The following ATG10 variants were observed in gnomAD, a reference collection of about 807,000 sequenced individuals.
The protein encoded by ATG10 is autophagy related 10.
In ATG10, 30 loss-of-function variants were observed where a neutral mutation model predicts 32.1. That is an observed-to-expected ratio of 0.94 (90% CI 0.70 to 1.27). The LOEUF is 1.27. Among genes scored for constraint, ATG10 ranks in the 50% most tolerant of loss-of-function variants. ATG10 has a pLI of 0.00. For synonymous variants in ATG10, 87 were observed against 91.5 expected (o/e 0.95, Z 0.28); for missense variants, 233 against 262.3 (o/e 0.89, Z 0.77).
chr5:82,059,996 T>A (rs1050549087), intron 3 of ATG10, among the ~76,000 whole-genome samples: 1 of 152,090 alleles, frequency 6.6e-6, no homozygotes, highest in Non-Finnish European at 1.5e-5. Flanking sequence ...AAAAATGAAT[T>A]ACTAGTTTTT....
At chr5:82,202,863 T>C (rs1167617395) in intron 5 of ATG10, among the ~76,000 whole-genome samples, 1 of 152,208 alleles carries the variant, frequency 6.6e-6, no homozygotes, top group Non-Finnish European at 1.5e-5. Flanking sequence ...TAAGCTGCCA[T>C]TGCAGTGCAG....
At chr5:82,251,244 G>A (rs1436097905) in intron 5 of ATG10, among the ~76,000 whole-genome samples, 2 of 152,162 alleles carry the variant, frequency 1.3e-5, no homozygotes, top group Admixed American at 1.3e-4. Flanking sequence ...AATGTTTGGA[G>A]CTGAGGGGTA....
In ATG10 at chr5:82,036,992, G is replaced by A. The variant is rs535371230; in HGVS notation, c.109-21503G>A. ...CTAAAAATACAAAAATTAGCTGGGC[G>A]TGGTGGTGTGTGCCTGTAATTCCAG... is the stretch of plus-strand genomic sequence containing the variant. On this transcript the variant is annotated intron_variant, in intron 2 of 7. Transcript: ENST00000282185. Among the ~76,000 whole-genome samples, 178 of 150,308 alleles carry A rather than the reference G, an allele frequency of 1.2e-3. 2 individuals carry two copies. The highest frequency in any genetic ancestry group is 2.3e-3 in the Admixed American group (35 of 15,128).
intron 5 of ATG10, among the ~76,000 whole-genome samples, chr5:82,222,688 A>G (rs965172775): frequency 2.6e-5 from 4 of 152,226 alleles, no homozygotes; most frequent in Admixed American, 6.5e-5. Flanking sequence ...TTATAGTTTT[A>G]TGGAAATTTG....
intron 5 of ATG10, among the ~76,000 whole-genome samples, chr5:82,193,174 T>C (rs974712969): frequency 3.3e-5 from 5 of 152,208 alleles, no homozygotes; most frequent in Non-Finnish European, 7.3e-5. Context: ...AAGTTGTTAT[T>C]GGGCCTGTAC....
chr5:82,088,130 C>T lies in ATG10; in HGVS notation c.216+29528C>T, dbSNP rs546293238. Among the ~76,000 whole-genome samples the T allele has an allele frequency of 2.7e-4, 41 of 152,164 alleles. 1 individual carries two copies. In the South Asian group the frequency reaches 5.4e-3, roughly 20 times the overall value. The stretch of plus-strand genomic sequence containing the variant: ...CCCAGAGCTAACATGGTTCCTTCTT[C>T]GGGCATACTTTTTTAGTTTTTCTTT... On this transcript the variant is annotated intron_variant, in intron 3 of 7. Coordinates refer to ENST00000282185, the MANE Select transcript of ATG10 (RefSeq NM_031482.5).
chr5:82,063,762 G>T (rs1453657583), intron 3 of ATG10, among the ~76,000 whole-genome samples: 3 of 152,128 alleles, frequency 2.0e-5, no homozygotes, highest in African/African-American at 4.8e-5. Flanking sequence ...AAAGTGCTGG[G>T]ATTACAGGCG....
At chr5:82,250,795 C>T (rs567281266) in intron 5 of ATG10, among the ~76,000 whole-genome samples, 1 of 152,304 alleles carries the variant, frequency 6.6e-6, no homozygotes, top group East Asian at 1.9e-4. Context: ...ATAACTATAG[C>T]TAGAAGTATT....
At chr5:82,049,803 G>T (rs537332759) in intron 2 of ATG10, among the ~76,000 whole-genome samples, 6 of 152,198 alleles carry the variant, frequency 3.9e-5, no homozygotes, top group Admixed American at 3.3e-4. Flanking sequence ...ACACTTCATG[G>T]TTCTTAGAAT....
At chr5:81,984,212 G>C (rs930806190) in intron 1 of ATG10, among the ~76,000 whole-genome samples, 1 of 152,276 alleles carries the variant, frequency 6.6e-6, no homozygotes, top group South Asian at 2.1e-4. Flanking sequence ...ATCACTCGCG[G>C]TTAGGAGCTG....
chr5:82,015,184 G>C (rs1315115594), intron 2 of ATG10, among the ~76,000 whole-genome samples: 1 of 152,142 alleles, frequency 6.6e-6, no homozygotes, highest in Admixed American at 6.5e-5. Flanking sequence ...TAGAGTTTCT[G>C]CTGAGAGATC....
intron 3 of ATG10, among the ~76,000 whole-genome samples, chr5:82,065,781 C>G (rs575012904): frequency 6.6e-6 from 1 of 152,120 alleles, no homozygotes; most frequent in East Asian, 1.9e-4. Flanking sequence ...CGATAATTTA[C>G]AAATAGAAGT....
At chr5:82,027,979 CTTTT>C (rs1318051634) in intron 2 of ATG10, among the ~76,000 whole-genome samples, 1 of 152,194 alleles carries the variant, frequency 6.6e-6, no homozygotes, top group Non-Finnish European at 1.5e-5. Context: ...AACCAAAGCT[CTTTT>C]TGAGATTGGT....
chr5:82,073,829 A>G (rs1764197533), intron 3 of ATG10: 1 of 152,230 alleles, frequency 6.6e-6, no homozygotes, highest in Admixed American at 6.5e-5. Context: ...ATCAAATAAG[A>G]TGGTGGGAGC....
intron 2 of ATG10, among the ~76,000 whole-genome samples, chr5:82,002,814 A>C (rs1285027957): frequency 6.6e-6 from 1 of 152,226 alleles, no homozygotes; most frequent in Non-Finnish European, 1.5e-5. Context: ...TTTTTAAAAA[A>C]GTAAAACTAC....
chr5:82,094,361 T>G (rs192708146), intron 3 of ATG10, among the ~76,000 whole-genome samples: 4 of 152,298 alleles, frequency 2.6e-5, no homozygotes, highest in Admixed American at 2.6e-4. Flanking sequence ...TTCAGAAGCC[T>G]AATTACTTCA....
At chr5:82,130,191 TC>T (rs1272579111) in intron 3 of ATG10, among the ~76,000 whole-genome samples, 1 of 152,118 alleles carries the variant, frequency 6.6e-6, no homozygotes, top group African/African-American at 2.4e-5. Context: ...GATGCCCCTG[TC>T]CCCATGAAAC....
At chr5:82,009,645 C>T in intron 2 of ATG10, 4 of 1,593,634 alleles carry the variant, frequency 2.5e-6, no homozygotes, top group Non-Finnish European at 3.4e-6. Context: ...GCTGGTCTTG[C>T]CATTCCTGGA....
chr5:82,011,142 C>T (rs1051166492), intron 2 of ATG10, among the ~76,000 whole-genome samples: 1 of 152,148 alleles, frequency 6.6e-6, no homozygotes, highest in Non-Finnish European at 1.5e-5. Flanking sequence ...TCAAACTCAA[C>T]ATGATTAAAA....
Sources: gnomAD v4.1 joint callset for allele counts (sites outside exome capture counted in the v4.1 genomes callset) on GRCh38, gnomAD v4.1.1 for gene constraint, MANE v1.5 for transcripts, NCBI Gene and HGNC (gene_info 2026-07-23, HGNC 2026-07-21) for gene names.